Variants in KATNBL1 observed in about 807,000 individuals in gnomAD.
KATNBL1 encodes KATNB1-like protein 1.
In KATNBL1, 28 loss-of-function variants were observed where a neutral mutation model predicts 44.7. The ratio of observed to expected loss-of-function variants is 0.63; its 90% CI spans 0.46 to 0.86. The LOEUF is 0.86. Ranked by LOEUF, KATNBL1 falls within the 40% of genes least tolerant of loss-of-function variation. The pLI is 0.00. For synonymous variants in KATNBL1, 78 were observed against 114.9 expected, an observed-to-expected ratio of 0.68 and a Z score of 2.06; for missense variants, 272 against 350.7, an observed-to-expected ratio of 0.78 and a Z score of 1.79.
intron 1 of KATNBL1, among the ~76,000 whole-genome samples, chr15:34,194,261 G>A (rs557564637): frequency 2.0e-5 from 3 of 152,136 alleles, no homozygotes; most frequent in Non-Finnish European, 4.4e-5. Context: ...TTTATATGCT[G>A]CATTTTGTCA....
At chr15:34,187,408 C>A (rs1287245628) in intron 1 of KATNBL1, among the ~76,000 whole-genome samples, 1 of 152,182 alleles carries the variant, frequency 6.6e-6, no homozygotes, top group Non-Finnish European at 1.5e-5. Flanking sequence ...CCTCATTCTT[C>A]CTGGACACAG....
intron 1 of KATNBL1, among the ~76,000 whole-genome samples, chr15:34,197,334 A>G (rs1461043647): frequency 6.6e-6 from 1 of 152,212 alleles, no homozygotes; most frequent in East Asian, 1.9e-4. Context: ...TGTTTTAACC[A>G]TTTATTAGTT....
rs148607601 is a variant in KATNBL1 at position 34,166,964 on chromosome 15, G to A, written c.-14-3274C>T. Among the ~76,000 whole-genome samples, 1,237 of 152,266 alleles carry A rather than the reference G, an allele frequency of 8.1e-3. 9 individuals are homozygous for A. The highest frequency in any genetic ancestry group is 0.012 in the Non-Finnish European group (785 of 68,026). ...AAGTCACCAACATCAAACACCAAAG[G>A]TAGATAAAACCACAAAGATGGGGAG... On this transcript the variant is annotated intron_variant, in intron 1 of 9. Transcript: ENST00000256544.
intron 9 of KATNBL1, among the ~76,000 whole-genome samples, chr15:34,143,594 A>C (rs1888215630): frequency 6.6e-6 from 1 of 151,762 alleles, no homozygotes; most frequent in Non-Finnish European, 1.5e-5. Context: ...TATGCTCTAA[A>C]AACCTAAAAC....
At chr15:34,144,213 C>A (rs1755222716) in intron 9 of KATNBL1, among the ~76,000 whole-genome samples, 1 of 151,758 alleles carries the variant, frequency 6.6e-6, no homozygotes, top group African/African-American at 2.4e-5. Flanking sequence ...CCCTCAGCTA[C>A]ATTAATTCCC....
intron 1 of KATNBL1, among the ~76,000 whole-genome samples, chr15:34,167,882 A>G (rs1889030875): frequency 6.6e-6 from 1 of 152,216 alleles, no homozygotes; most frequent in African/African-American, 2.4e-5. Flanking sequence ...ACAGACAAGC[A>G]AATACCAAGA....
chr15:34,161,814 G>A (rs1430401464), intron 2 of KATNBL1, among the ~76,000 whole-genome samples: 2 of 152,130 alleles, frequency 1.3e-5, no homozygotes, highest in African/African-American at 4.8e-5. Context: ...CTCTAAATAT[G>A]TGAGTATAAA....
Position 34,191,771 on chromosome 15 carries a change from C to A in KATNBL1, c.-15+18180G>T, listed in dbSNP as rs570080205. The stretch of plus-strand genomic sequence containing the variant: ...GACCATCCTGGCTAACACGGTGAAA[C>A]CCCGTTTCTATTAAAAACACAAAAA... On this transcript the variant is annotated intron_variant, in intron 1 of 9. Coordinates refer to ENST00000256544, the MANE Select transcript of KATNBL1 (RefSeq NM_024713.3). Among the ~76,000 whole-genome samples the A allele has an allele frequency of 2.0e-5, 3 of 151,530 alleles. No individual in the cohort carries two copies. In the East Asian group the frequency reaches 5.9e-4, roughly 30 times the overall value.
At chr15:34,182,760 T>C (rs1889605725) in intron 1 of KATNBL1, among the ~76,000 whole-genome samples, 1 of 152,228 alleles carries the variant, frequency 6.6e-6, no homozygotes, top group Non-Finnish European at 1.5e-5. Context: ...TTCGAAAGGC[T>C]ACATATTACA....
At position 34,154,263 on chromosome 15, in the gene KATNBL1, C is replaced by A. The variant is rs144570845; in HGVS notation, c.158+381G>T. On this transcript the variant is annotated intron_variant, in intron 3 of 9. Transcript: ENST00000256544. ...ATTCCATGAATGGTCTTTAGGGACCCGCAGGTCCTCAAATCACACTTTGAA... is the reference window on the plus strand; with the variant it reads ...ATTCCATGAATGGTCTTTAGGGACCAGCAGGTCCTCAAATCACACTTTGAA... 9.7e-3 allele frequency among the ~76,000 whole-genome samples: 1,471 copies of A among 152,246 alleles called. 10 individuals carry two copies. The highest frequency in any genetic ancestry group is 0.017 in the Middle Eastern group (5 of 294).
chr15:34,175,733 A>C (rs1419479297), intron 1 of KATNBL1, among the ~76,000 whole-genome samples: 2 of 152,226 alleles, frequency 1.3e-5, no homozygotes, highest in African/African-American at 4.8e-5. Context: ...TTACTACGGG[A>C]ATGTAAAAAT....
intron 1 of KATNBL1, among the ~76,000 whole-genome samples, chr15:34,172,799 TTCTC>T (rs776519208): frequency 7.2e-6 from 1 of 139,096 alleles, no homozygotes; most frequent in Non-Finnish European, 1.6e-5. Flanking sequence ...ACACACACGC[TTCTC>T]TCTAAAATAC....
Position 34,143,078 on chromosome 15 carries a change from C to T in KATNBL1, c.883-707G>A. The T allele has an allele frequency of 1.4e-5, 17 of 1,172,510 alleles. No homozygotes were observed. The South Asian group carries it at 1.8e-4, about 13-fold the overall frequency. The allele number at this position is 1,172,510 out of a possible 1,614,324, so 72.6% of individuals were successfully genotyped here. On this transcript the variant is annotated intron_variant, in intron 9 of 9. Transcript: ENST00000256544. ...ATGGTTTAATTTTGTAAGAAAGTCT[C>T]ATCATAAGGAACTTCGCATTGAACT...
rs118178115 is a variant in KATNBL1, at chr15:34,178,905, G to A, written c.-14-15215C>T. Among the ~76,000 whole-genome samples the A allele has an allele frequency of 3.9e-3, 589 of 152,134 alleles. 1 individual carries two copies. Among genetic ancestry groups the A allele is most frequent in the Non-Finnish European group, 7.2e-3 (489 of 68,000 alleles). ...TTCAGTTGCCAGACTCTCAATATGT[G>A]CAGTATTTCCATAACCACAGTATTA... On this transcript the variant is annotated intron_variant, in intron 1 of 9. Transcript: ENST00000256544.
intron 1 of KATNBL1, among the ~76,000 whole-genome samples, chr15:34,196,537 A>G (rs7174014): frequency 0.73 from 110,567 of 152,076 alleles, 40,728 homozygotes; most frequent in Non-Finnish European, 0.79. Context: ...AGACCAACCT[A>G]GCCAACATGG....
chr15:34,168,985 A>G (rs758721060), intron 1 of KATNBL1, among the ~76,000 whole-genome samples: 8 of 152,156 alleles, frequency 5.3e-5, no homozygotes, highest in Non-Finnish European at 7.4e-5. Context: ...AAGAGAAAGC[A>G]GGAAAGATCT....
intron 2 of KATNBL1, among the ~76,000 whole-genome samples, chr15:34,159,727 T>C (rs1888740730): frequency 6.6e-6 from 1 of 152,202 alleles, no homozygotes; most frequent in Non-Finnish European, 1.5e-5. Context: ...GAATTTTCCA[T>C]GATTGATTTG....
At chr15:34,190,267 G>A (rs929576068) in intron 1 of KATNBL1, among the ~76,000 whole-genome samples, 4 of 152,082 alleles carry the variant, frequency 2.6e-5, no homozygotes, top group Non-Finnish European at 4.4e-5. Context: ...TTATTTCTAA[G>A]AAGCTTACAA....
chr15:34,197,342 G>C (rs958866290), intron 1 of KATNBL1, among the ~76,000 whole-genome samples: 6 of 152,172 alleles, frequency 3.9e-5, no homozygotes, highest in African/African-American at 1.4e-4. Flanking sequence ...CCATTTATTA[G>C]TTATGTACCA....
Sources: gnomAD v4.1 joint callset for allele counts (sites outside exome capture counted in the v4.1 genomes callset) on GRCh38, gnomAD v4.1.1 for gene constraint, MANE v1.5 for transcripts, NCBI Gene and HGNC (gene_info 2026-07-23, HGNC 2026-07-21) for gene names.